The following TAX1BP1 variants were observed in gnomAD, a reference collection of about 807,000 sequenced individuals.
TAX1BP1 encodes the protein tax1-binding protein 1.
TAX1BP1 carries 62 observed loss-of-function variants against 97.7 expected under a neutral mutation model. The ratio of observed to expected loss-of-function variants is 0.63; its 90% CI spans 0.52 to 0.78. TAX1BP1 has a LOEUF of 0.78. TAX1BP1 is among the 30% of genes least tolerant of loss of function. TAX1BP1 has a pLI of 0.00. For missense variants in TAX1BP1, 867 were observed against 916.1 expected (o/e 0.95, Z 0.69); for synonymous variants, 340 against 304.2 (o/e 1.12, Z -1.23).
chr7:27,785,230 C>A lies in TAX1BP1; in HGVS notation c.680C>A (p.Ala227Asp). Reference sequence around the variant, plus strand: ...GAGTTTAAGAAGAGGTTCAGTGATGCTACATCCAAAGCCCATCAGCTTGAG... The same window carrying A: ...GAGTTTAAGAAGAGGTTCAGTGATGATACATCCAAAGCCCATCAGCTTGAG... Reference protein sequence around the residue: ...NEEFKKRFSDATSKAHQLEED... With the variant: ...NEEFKKRFSDDTSKAHQLEED... Residue 227 changes from alanine to aspartate, a missense_variant, in exon 6 of 17, where the codon GCT becomes GAT. Physicochemically the swap from Ala to Asp is moderately radical, Grantham distance 126. Coordinates refer to ENST00000396319, the MANE Select transcript of TAX1BP1 (RefSeq NM_006024.7). 3 of 1,613,340 alleles carry A rather than the reference C, an allele frequency of 1.9e-6. No individual in the cohort carries two copies. The highest frequency in any genetic ancestry group is 2.5e-6 in the Non-Finnish European group (3 of 1,179,666).
At chr7:27,799,708 A>G (rs553397869) in intron 12 of TAX1BP1, among the ~76,000 whole-genome samples, 15 of 152,250 alleles carry the variant, frequency 9.9e-5, no homozygotes, top group African/African-American at 3.6e-4. Flanking sequence ...GCAACTTGCT[A>G]TTTTCAATTA....
chr7:27,790,148 A>C (rs1236711539), intron 8 of TAX1BP1, among the ~76,000 whole-genome samples: 1 of 151,952 alleles, frequency 6.6e-6, no homozygotes, highest in African/African-American at 2.4e-5. Flanking sequence ...TTTTAACACA[A>C]ATTAGAATTT....
chr7:27,807,656 C>G (rs964775888), intron 13 of TAX1BP1, among the ~76,000 whole-genome samples: 1 of 151,952 alleles, frequency 6.6e-6, no homozygotes, highest in Non-Finnish European at 1.5e-5. Context: ...AATATTTTCC[C>G]TTTGTAATTA....
chr7:27,747,921 T>C (rs1444558015), intron 1 of TAX1BP1, among the ~76,000 whole-genome samples: 1 of 151,774 alleles, frequency 6.6e-6, no homozygotes, highest in East Asian at 1.9e-4. Context: ...GGTTGAGAAA[T>C]GCTGGTCCAG....
chr7:27,810,476 A>G (rs1583400927), intron 13 of TAX1BP1, among the ~76,000 whole-genome samples: 2 of 152,138 alleles, frequency 1.3e-5, no homozygotes. Flanking sequence ...ATTCCAATCT[A>G]CCATGCTGTG....
chr7:27,819,896 G>A (rs1450721849), intron 15 of TAX1BP1, among the ~76,000 whole-genome samples: 4 of 152,042 alleles, frequency 2.6e-5, no homozygotes, highest in Non-Finnish European at 4.4e-5. Context: ...GGTGCCCTAG[G>A]TACTTTCATA....
intron 1 of TAX1BP1, among the ~76,000 whole-genome samples, chr7:27,746,632 T>C (rs1787831983): frequency 6.6e-6 from 1 of 152,172 alleles, no homozygotes; most frequent in Non-Finnish European, 1.5e-5. Flanking sequence ...AGAGTATTCA[T>C]AGTTAAGTCT....
In TAX1BP1 at chr7:27,814,409, G is replaced by A. The variant is rs113765668; in HGVS notation, c.1765-1940G>A. 7.5e-3 allele frequency among the ~76,000 whole-genome samples: 1,147 copies of A among 152,162 alleles called. 15 individuals are homozygous for A. The highest frequency in any genetic ancestry group is 0.027 in the African/African-American group (1,101 of 41,518). On this transcript the variant is annotated intron_variant, in intron 13 of 16. Transcript: ENST00000396319. The stretch of plus-strand genomic sequence containing the variant: ...AATTATTTTGTTAATTTGTACAAAA[G>A]CCTACTGGGATTTTCTAGGCATTGT...
intron 1 of TAX1BP1, among the ~76,000 whole-genome samples, chr7:27,745,767 CTATT>C (rs1787793192): frequency 6.6e-6 from 1 of 151,746 alleles, no homozygotes; most frequent in South Asian, 2.1e-4. Flanking sequence ...GTTAATAGGG[CTATT>C]TAAAACAATA....
At chr7:27,776,618 A>G (rs1412462396) in intron 5 of TAX1BP1, among the ~76,000 whole-genome samples, 2 of 150,282 alleles carry the variant, frequency 1.3e-5, no homozygotes, top group Non-Finnish European at 3.0e-5. Flanking sequence ...TGTCCTCTTT[A>G]TTTTCTTTAT....
chr7:27,781,249 T>C (rs1385119711), intron 5 of TAX1BP1, among the ~76,000 whole-genome samples: 1 of 152,230 alleles, frequency 6.6e-6, no homozygotes, highest in African/African-American at 2.4e-5. Context: ...CATTTTTTAC[T>C]ATAGTCATGC....
At chr7:27,789,342 G>C (rs890960842) in intron 8 of TAX1BP1, among the ~76,000 whole-genome samples, 3 of 151,708 alleles carry the variant, frequency 2.0e-5, no homozygotes, top group African/African-American at 7.3e-5. Flanking sequence ...TAAAACAGTT[G>C]CTTTGTTCAG....
chr7:27,825,684 A>G, intron 15 of TAX1BP1, among the ~76,000 whole-genome samples: 1 of 152,050 alleles, frequency 6.6e-6, no homozygotes, highest in East Asian at 1.9e-4. Context: ...TTTAACGAGC[A>G]GGGTTAACAT....
At chr7:27,758,530 T>A (rs1418956478) in intron 3 of TAX1BP1, among the ~76,000 whole-genome samples, 1 of 152,134 alleles carries the variant, frequency 6.6e-6, no homozygotes, top group Non-Finnish European at 1.5e-5. Context: ...TTATTTGAAT[T>A]CTGTCATGTG....
At chr7:27,785,117 A>G (rs201064164) in intron 5 of TAX1BP1, 46 bp from the exon 6 acceptor site, 47 of 1,555,564 alleles carry the variant, frequency 3.0e-5, no homozygotes, top group Non-Finnish European at 4.0e-5. Flanking sequence ...TGCTTTACTG[A>G]TTATGTTTCT....
intron 3 of TAX1BP1, among the ~76,000 whole-genome samples, chr7:27,763,332 C>T (rs771785041): frequency 5.9e-5 from 9 of 152,110 alleles, no homozygotes; most frequent in Non-Finnish European, 1.3e-4. Context: ...TTCACTTTTT[C>T]CCATTTTATT....
At chr7:27,807,627 G>T (rs1017663009) in intron 13 of TAX1BP1, among the ~76,000 whole-genome samples, 2 of 151,968 alleles carry the variant, frequency 1.3e-5, no homozygotes, top group African/African-American at 4.8e-5. Context: ...TGTCCACCAG[G>T]TTTTACTGAT....
intron 15 of TAX1BP1, among the ~76,000 whole-genome samples, chr7:27,822,122 A>G (rs767744587): frequency 1.3e-5 from 2 of 152,186 alleles, no homozygotes; most frequent in Non-Finnish European, 2.9e-5. Flanking sequence ...TGGATTTTCA[A>G]ATTTGGGATG....
rs1787782520 is a variant in TAX1BP1, at chr7:27,745,443, CAT to C, written c.-7-3073_-7-3072del. 2.6e-5 allele frequency among the ~76,000 whole-genome samples: 4 copies of C among 152,044 alleles called. No homozygotes were observed. In the South Asian group the frequency reaches 8.3e-4, roughly 32 times the overall value. ...ATTATTTAAAATGGGTTGATAATGA[CAT>C]AATTATATTTGATTGCATTCATCCA... On this transcript the variant is annotated intron_variant, in intron 1 of 16. Transcript: ENST00000396319.
Sources: gnomAD v4.1 joint callset for allele counts (sites outside exome capture counted in the v4.1 genomes callset) on GRCh38, gnomAD v4.1.1 for gene constraint, MANE v1.5 for transcripts, NCBI Gene and HGNC (gene_info 2026-07-23, HGNC 2026-07-21) for gene names.